Variants in RALA observed in about 807,000 individuals in gnomAD.
The protein encoded by RALA is RAS like proto-oncogene A.
RALA carries 5 observed loss-of-function variants against 24.0 expected under a neutral mutation model. The observed-to-expected ratio is 0.21, with a 90% CI of 0.11 to 0.44. RALA has a LOEUF of 0.44. Among genes scored for constraint, RALA ranks in the 20% least tolerant of loss-of-function variants. The pLI is 0.99. For missense variants in RALA, 95 were observed against 241.2 expected (o/e 0.39, Z 4.01); for synonymous variants, 77 against 83.8 (o/e 0.92, Z 0.44).
chr7:39,689,552 T>C (rs564595080), intron 2 of RALA, among the ~76,000 whole-genome samples: 1 of 152,230 alleles, frequency 6.6e-6, no homozygotes, highest in African/African-American at 2.4e-5. Flanking sequence ...TATCAGATAA[T>C]GAAAATATTT....
chr7:39,674,822 T>TTA, intron 1 of RALA, among the ~76,000 whole-genome samples: 1 of 143,520 alleles, frequency 7.0e-6, no homozygotes, highest in East Asian at 2.0e-4. Flanking sequence ...TTTTATGCTT[T>TTA]TTTTTTTTTT....
Position 39,623,634 on chromosome 7 carries a change from C to CCTCCTCCTCCTT in RALA, c.-217_-206dup, listed in dbSNP as rs1248595021. Reference sequence around the variant, plus strand: ...TCTCCCCAGAGCAAAGCGTCGGAGTCCTCCTCCTCCTTCTCCTCCTCCTCC... The same window carrying CCTCCTCCTCCTT: ...TCTCCCCAGAGCAAAGCGTCGGAGTCCTCCTCCTCCTTCTCCTCCTCCTTCTCCTCCTCCTCC... On this transcript the variant is annotated 5_prime_UTR_variant, in exon 1 of 5. Coordinates refer to ENST00000005257, the MANE Select transcript of RALA (RefSeq NM_005402.4). This position sits in a 1 kb window ranked among gnomAD's most constrained non-coding sequence, Gnocchi z 4.9. The CCTCCTCCTCCTT allele has an allele frequency of 6.5e-6, 1 of 153,868 alleles. No individual in the cohort carries two copies. Among genetic ancestry groups the CCTCCTCCTCCTT allele is most frequent in the Non-Finnish European group, 1.4e-5 (1 of 69,116 alleles). 9.5% of individuals were successfully genotyped at this position (153,868 alleles called of 1,614,324 possible). A position where few individuals can be genotyped will look rare whatever the true frequency, so the allele number is the denominator to read the frequency against.
intron 1 of RALA, among the ~76,000 whole-genome samples, chr7:39,652,185 A>C (rs1792028257): frequency 6.6e-6 from 1 of 152,146 alleles, no homozygotes; most frequent in Non-Finnish European, 1.5e-5. Flanking sequence ...CAAGGTGAAA[A>C]GTGATGAACC....
Position 39,706,358 on chromosome 7 carries a change from A to G in RALA, c.*113A>G. 1.7e-6 allele frequency: 2 copies of G among 1,185,592 alleles called. No homozygotes were observed. The highest frequency in any genetic ancestry group is 2.4e-6 in the Non-Finnish European group (2 of 835,388). The allele number at this position is 1,185,592 out of a possible 1,614,324, so 73.4% of individuals were successfully genotyped here. A position where few individuals can be genotyped will look rare whatever the true frequency, so the allele number is the denominator to read the frequency against. ...ACTTTAACATTTTGGAAATTGTTGT[A>G]TATCACTAAAAGCATGAATTGGAAC... On this transcript the variant is annotated 3_prime_UTR_variant, in exon 5 of 5. Transcript: ENST00000005257.
chr7:39,676,976 T>A (rs1792498327), intron 1 of RALA, among the ~76,000 whole-genome samples: 1 of 152,202 alleles, frequency 6.6e-6, no homozygotes, highest in Non-Finnish European at 1.5e-5. Flanking sequence ...TCTGCCAGCA[T>A]AATTAAGGAT....
chr7:39,644,494 CA>C (rs1160792632), intron 1 of RALA, among the ~76,000 whole-genome samples: 1 of 152,082 alleles, frequency 6.6e-6, no homozygotes, highest in Non-Finnish European at 1.5e-5. Context: ...TTTAATTTTT[CA>C]TATAAATATG....
Position 39,696,236 on chromosome 7 carries a change from C to G in RALA, c.324-449C>G, listed in dbSNP as rs1247573137. ...AATTGGTGGGACCCTTGATATGATG[C>G]AATAAGAATAGCACTTTCTAAATCT... On this transcript the variant is annotated intron_variant, in intron 3 of 4. Coordinates refer to ENST00000005257, the MANE Select transcript of RALA (RefSeq NM_005402.4). Among the ~76,000 whole-genome samples the G allele has an allele frequency of 2.0e-5, 3 of 152,122 alleles. No individual in the cohort carries two copies. In the East Asian group the frequency reaches 5.8e-4, roughly 29 times the overall value.
chr7:39,675,752 A>C (rs79769741), intron 1 of RALA, among the ~76,000 whole-genome samples: 15,538 of 150,008 alleles, frequency 0.1, 882 homozygotes, highest in African/African-American at 0.14. Flanking sequence ...AAAAAAAAAA[A>C]AAAAAAAAAC....
chr7:39,692,913 G>A (rs1372209295), intron 3 of RALA, among the ~76,000 whole-genome samples: 2 of 152,184 alleles, frequency 1.3e-5, no homozygotes, highest in South Asian at 2.1e-4. Flanking sequence ...AGAAAGTCAG[G>A]AAACAACAGA....
chr7:39,641,541 A>C (rs2115943348), intron 1 of RALA, among the ~76,000 whole-genome samples: 1 of 152,268 alleles, frequency 6.6e-6, no homozygotes, highest in South Asian at 2.1e-4. Flanking sequence ...GAGTTCCTAT[A>C]TTCCTACAGA....
chr7:39,626,313 T>C (rs909879101), intron 1 of RALA, among the ~76,000 whole-genome samples: 7 of 152,252 alleles, frequency 4.6e-5, no homozygotes, highest in Admixed American at 2.6e-4. Context: ...CCATACTTTA[T>C]TAAGGTAAAT....
intron 1 of RALA, among the ~76,000 whole-genome samples, chr7:39,631,973 G>T (rs2115917150): frequency 6.6e-6 from 1 of 152,260 alleles, no homozygotes. Context: ...GAAGGCGAAG[G>T]GTGAGCAGGT....
intron 1 of RALA, among the ~76,000 whole-genome samples, chr7:39,665,154 T>A (rs1220177905): frequency 1.3e-5 from 2 of 152,100 alleles, no homozygotes; most frequent in African/African-American, 2.4e-5. Flanking sequence ...CCTTTCCACC[T>A]CCTCCACCTC....
chr7:39,659,240 C>A (rs1035134918), intron 1 of RALA, among the ~76,000 whole-genome samples: 18 of 152,098 alleles, frequency 1.2e-4, no homozygotes. Flanking sequence ...GATTGCATTG[C>A]ACCACTACCC....
intron 1 of RALA, among the ~76,000 whole-genome samples, chr7:39,653,181 C>T (rs1364584800): frequency 8.0e-6 from 1 of 125,144 alleles, no homozygotes; most frequent in Non-Finnish European, 1.8e-5. Context: ...AGGCATGCGC[C>T]ACCATGCCTG....
chr7:39,686,168 T>C (rs909150499), intron 1 of RALA, among the ~76,000 whole-genome samples: 1 of 142,456 alleles, frequency 7.0e-6, no homozygotes, highest in African/African-American at 2.6e-5. Context: ...ATCACGCCAC[T>C]GCACTCCAGC....
At chr7:39,653,967 C>G (rs900028433) in intron 1 of RALA, among the ~76,000 whole-genome samples, 10 of 152,172 alleles carry the variant, frequency 6.6e-5, no homozygotes, top group Non-Finnish European at 1.5e-4. Context: ...AGATAGCTCT[C>G]AGCTCCCAAT....
chr7:39,692,615 TA>T (rs1256681459), intron 3 of RALA, among the ~76,000 whole-genome samples: 1 of 152,106 alleles, frequency 6.6e-6, no homozygotes, highest in East Asian at 1.9e-4. Context: ...CTATTAACTC[TA>T]AAAAAATAAC....
chr7:39,701,826 G>A (rs1793032333), intron 4 of RALA, among the ~76,000 whole-genome samples: 1 of 152,218 alleles, frequency 6.6e-6, no homozygotes. Flanking sequence ...AGCCATGCTT[G>A]TCACAGAGGA....
Sources: gnomAD v4.1 joint callset for allele counts (sites outside exome capture counted in the v4.1 genomes callset) on GRCh38, gnomAD v4.1.1 for gene constraint, Gnocchi (gnomAD v3.1) non-coding constraint, MANE v1.5 for transcripts, NCBI Gene and HGNC (gene_info 2026-07-23, HGNC 2026-07-21) for gene names.